The following PPP4R1 variants were observed in gnomAD, a reference collection of about 807,000 sequenced individuals.
PPP4R1 encodes the protein serine/threonine-protein phosphatase 4 regulatory subunit 1.
In PPP4R1, 42 loss-of-function variants were observed where a neutral mutation model predicts 111.2. The ratio of observed to expected loss-of-function variants is 0.38; its 90% confidence interval spans 0.29 to 0.49. The LOEUF (loss-of-function observed/expected upper bound fraction) is 0.49. Ranked by LOEUF, PPP4R1 falls within the 20% of genes least tolerant of loss-of-function variation. PPP4R1 has a pLI of 0.97. For missense variants in PPP4R1, 1,012 were observed against 1,161.6 expected (o/e 0.87, Z 1.87); for synonymous variants, 409 against 405.5 (o/e 1.01, Z -0.10).
At chr18:9,606,206 G>A (rs532733138) in intron 2 of PPP4R1, among the ~76,000 whole-genome samples, 1 of 152,318 alleles carries the variant, frequency 6.6e-6, no homozygotes, top group Admixed American at 6.5e-5. Context: ...AACACTGTGT[G>A]ATGAGTCAAG....
At chr18:9,595,946 G>A (rs1185016232) in intron 2 of PPP4R1, among the ~76,000 whole-genome samples, 1 of 152,190 alleles carries the variant, frequency 6.6e-6, no homozygotes, top group Non-Finnish European at 1.5e-5. Flanking sequence ...TGGTACTTTT[G>A]TGCCATGCTG....
chr18:9,609,761 C>T (rs1419347207), intron 2 of PPP4R1, among the ~76,000 whole-genome samples: 1 of 152,182 alleles, frequency 6.6e-6, no homozygotes, highest in African/African-American at 2.4e-5. Flanking sequence ...TTCAAGGGTA[C>T]TTTAAGAACG....
chr18:9,584,989 A>G (rs2067093051), intron 6 of PPP4R1, among the ~76,000 whole-genome samples, 161 bp from the exon 7 acceptor site: 1 of 152,204 alleles, frequency 6.6e-6, no homozygotes, highest in Admixed American at 6.5e-5. Context: ...TATTAATTTC[A>G]TCTTATTTAT....
chr18:9,575,923 G>A (rs1266486321), intron 10 of PPP4R1, among the ~76,000 whole-genome samples: 1 of 152,184 alleles, frequency 6.6e-6, no homozygotes, highest in Non-Finnish European at 1.5e-5. Flanking sequence ...AATTTTTTAA[G>A]TATGCTGATT....
At chr18:9,583,580 T>TG (rs2067066985) in intron 8 of PPP4R1, among the ~76,000 whole-genome samples, 1 of 152,066 alleles carries the variant, frequency 6.6e-6, no homozygotes, top group Non-Finnish European at 1.5e-5. Context: ...TTGGCCAGGC[T>TG]GGTCTCGAAC....
intron 6 of PPP4R1, 83 bp from the exon 7 acceptor site, chr18:9,584,911 T>C (rs2067091696): frequency 8.8e-7 from 1 of 1,132,704 alleles, no homozygotes; most frequent in Non-Finnish European, 1.3e-6. Flanking sequence ...GTATATAATT[T>C]GAGGAAACAT....
chr18:9,609,894 T>C (rs915723931), intron 2 of PPP4R1, among the ~76,000 whole-genome samples: 1 of 152,252 alleles, frequency 6.6e-6, no homozygotes, highest in Non-Finnish European at 1.5e-5. Flanking sequence ...CGTCTAAACT[T>C]AGGAGTTTTG....
chr18:9,572,889 T>C (rs57104387), intron 10 of PPP4R1, among the ~76,000 whole-genome samples: 65 of 152,354 alleles, frequency 4.3e-4, no homozygotes, highest in African/African-American at 1.4e-3. Context: ...AGTATGCATA[T>C]ATAATACAAT....
At chr18:9,559,376 T>C (rs760985581) in intron 14 of PPP4R1, 43 bp downstream of exon 14, 17 of 1,538,852 alleles carry the variant, frequency 1.1e-5, no homozygotes, top group Middle Eastern at 2.0e-4. Context: ...GCACTGTGCC[T>C]TCCACATGCA....
At chr18:9,580,174 C>G (rs1386687400) in intron 9 of PPP4R1, among the ~76,000 whole-genome samples, 4 of 152,184 alleles carry the variant, frequency 2.6e-5, no homozygotes, top group African/African-American at 9.7e-5. Context: ...AGATTGATCT[C>G]TGCCATGACG....
chr18:9,615,448 C>T (rs1207855412), upstream of PPP4R1: 2 of 152,214 alleles, frequency 1.3e-5, no homozygotes, highest in African/African-American at 2.4e-5. Flanking sequence ...AGGAGGTGCT[C>T]GGTGAAGGGT....
chr18:9,561,115 A>G (rs1455145854), intron 13 of PPP4R1, among the ~76,000 whole-genome samples: 1 of 148,538 alleles, frequency 6.7e-6, no homozygotes, highest in Non-Finnish European at 1.5e-5. Context: ...GCTACTTGGG[A>G]GGCTGAGGCA....
chr18:9,556,225 G>A (rs1310399469), intron 15 of PPP4R1, among the ~76,000 whole-genome samples: 2 of 150,018 alleles, frequency 1.3e-5, no homozygotes, highest in African/African-American at 4.9e-5. Context: ...ATGGAGTCTT[G>A]CTCTGTCCCC....
chr18:9,586,630 GAGAT>G (rs1272066964), intron 6 of PPP4R1, among the ~76,000 whole-genome samples: 1 of 152,042 alleles, frequency 6.6e-6, no homozygotes, highest in Non-Finnish European at 1.5e-5. Context: ...AGAGACTAGA[GAGAT>G]CATCTAATTC....
At chr18:9,582,287 G>A (rs903101878) in intron 9 of PPP4R1, among the ~76,000 whole-genome samples, 1 of 151,266 alleles carries the variant, frequency 6.6e-6, no homozygotes, top group African/African-American at 2.4e-5. Flanking sequence ...CAAACCTTTA[G>A]CAGACTGGCC....
intron 13 of PPP4R1, 84 bp downstream of exon 13, chr18:9,561,896 G>T: frequency 3.6e-6 from 4 of 1,109,420 alleles, no homozygotes; most frequent in Non-Finnish European, 5.5e-6. Flanking sequence ...TCATCATAAA[G>T]AAGGGGCAAA....
intron 9 of PPP4R1, among the ~76,000 whole-genome samples, chr18:9,577,485 C>T (rs569812848): frequency 3.9e-5 from 6 of 152,202 alleles, no homozygotes; most frequent in South Asian, 2.1e-4. Context: ...GGCAACATGG[C>T]GAAATCCAGT....
At chr18:9,565,209 G>T (rs868024324) in intron 11 of PPP4R1, among the ~76,000 whole-genome samples, 1 of 151,994 alleles carries the variant, frequency 6.6e-6, no homozygotes, top group Admixed American at 6.6e-5. Flanking sequence ...TATTACTATT[G>T]TAATTGTTTT....
chr18:9,583,703 G>T (rs1032219924), intron 8 of PPP4R1, among the ~76,000 whole-genome samples: 1 of 151,812 alleles, frequency 6.6e-6, no homozygotes, highest in Admixed American at 6.6e-5. Flanking sequence ...TAAAAAGTAG[G>T]ATCTATTAGT....
Sources: allele counts gnomAD v4.1 joint callset (sites outside exome capture counted in the v4.1 genomes callset), GRCh38; gene constraint gnomAD v4.1.1; transcripts MANE v1.5; gene names NCBI Gene and HGNC (gene_info 2026-07-23, HGNC 2026-07-21).